CCSER1: variants seen among roughly 807,000 people sequenced by gnomAD.
CCSER1 encodes coiled-coil serine rich protein 1.
In CCSER1, 41 loss-of-function variants were observed where a neutral mutation model predicts 82.0. The observed-to-expected ratio is 0.50, with a 90% CI of 0.39 to 0.65. CCSER1 has a LOEUF of 0.65. Ranked by LOEUF, CCSER1 falls within the 30% of genes least tolerant of loss-of-function variation. CCSER1 has a pLI of 0.00. For missense variants in CCSER1, 1,119 were observed against 1,064.2 expected, an observed-to-expected ratio of 1.05 and a Z score of -0.72; for synonymous variants, 414 against 383.9, an observed-to-expected ratio of 1.08 and a Z score of -0.92.
intron 10 of CCSER1, among the ~76,000 whole-genome samples, chr4:91,206,360 G>T (rs1736343630): frequency 1.3e-5 from 2 of 151,870 alleles, no homozygotes. Context: ...TTTCTGAAAT[G>T]CAATTAGCCT....
At chr4:90,898,549 A>C (rs563643291) in intron 8 of CCSER1, among the ~76,000 whole-genome samples, 4 of 151,728 alleles carry the variant, frequency 2.6e-5, no homozygotes, top group Admixed American at 2.6e-4. Flanking sequence ...TGGCCTCCCA[A>C]AGTGGTGGAA....
At chr4:90,707,485 A>G (rs78266987) in intron 6 of CCSER1, among the ~76,000 whole-genome samples, 1,535 of 151,250 alleles carry the variant, frequency 0.01, 31 homozygotes, top group African/African-American at 0.035. Flanking sequence ...CTTTTCTCTC[A>G]TAGCCCATAT....
chr4:91,519,578 A>G (rs1055332789), intron 10 of CCSER1, among the ~76,000 whole-genome samples: 2 of 152,218 alleles, frequency 1.3e-5, no homozygotes, highest in Non-Finnish European at 1.5e-5. Flanking sequence ...CCCAGACTCT[A>G]TATAGCTCTG....
At chr4:90,697,342 A>T (rs1417766901) in intron 6 of CCSER1, among the ~76,000 whole-genome samples, 1 of 152,128 alleles carries the variant, frequency 6.6e-6, no homozygotes, top group African/African-American at 2.4e-5. Context: ...GTGTCAGAAG[A>T]TGCCTTTGAC....
chr4:91,358,895 C>T (rs971593541), intron 10 of CCSER1, among the ~76,000 whole-genome samples: 5 of 152,094 alleles, frequency 3.3e-5, no homozygotes, highest in African/African-American at 9.7e-5. Context: ...GCTTAAGTCA[C>T]CTAAGGGGCT....
chr4:90,871,700 A>C (rs1580862897), intron 8 of CCSER1, among the ~76,000 whole-genome samples: 1 of 151,774 alleles, frequency 6.6e-6, no homozygotes, highest in African/African-American at 2.4e-5. Flanking sequence ...AGTCCAGATT[A>C]AGTCTGATGT....
At chr4:91,042,786 A>C (rs559614886) in intron 9 of CCSER1, among the ~76,000 whole-genome samples, 1 of 152,144 alleles carries the variant, frequency 6.6e-6, no homozygotes, top group Non-Finnish European at 1.5e-5. Flanking sequence ...TACAGGGGGG[A>C]AAAAGTACGT....
chr4:90,858,281 G>A (rs1764687111), intron 8 of CCSER1, among the ~76,000 whole-genome samples: 1 of 151,956 alleles, frequency 6.6e-6, no homozygotes, highest in Non-Finnish European at 1.5e-5. Flanking sequence ...TTTGAACAAA[G>A]ATGAAAGAAA....
chr4:91,003,966 ATCT>A (rs1299996874), intron 9 of CCSER1, among the ~76,000 whole-genome samples: 1 of 152,104 alleles, frequency 6.6e-6, no homozygotes, highest in Non-Finnish European at 1.5e-5. Flanking sequence ...GAAGGTCAAA[ATCT>A]TCTTCCATGA....
chr4:90,910,695 T>C (rs1358554806), intron 8 of CCSER1, among the ~76,000 whole-genome samples: 1 of 152,254 alleles, frequency 6.6e-6, no homozygotes, highest in African/African-American at 2.4e-5. Context: ...TGTTGTATTA[T>C]TGATTTACTG....
intron 7 of CCSER1, among the ~76,000 whole-genome samples, chr4:90,788,165 G>T (rs1178394925): frequency 6.6e-6 from 1 of 151,992 alleles, no homozygotes; most frequent in Non-Finnish European, 1.5e-5. Context: ...AAAGACTAAG[G>T]TAGAAAATGA....
At chr4:90,788,602 TG>T (rs1329912624) in intron 7 of CCSER1, among the ~76,000 whole-genome samples, 1 of 152,196 alleles carries the variant, frequency 6.6e-6, no homozygotes, top group Non-Finnish European at 1.5e-5. Flanking sequence ...AACTAGTCAT[TG>T]TAAAAAGGCT....
Position 90,487,930 on chromosome 4 carries a change from G to A in CCSER1, c.1724+19576G>A, listed in dbSNP as rs151093881. On this transcript the variant is annotated intron_variant, in intron 5 of 10. Transcript: ENST00000509176. ...GCTGTGATTACAGGCATGAGCCACC[G>A]CACCTGGCTTAATCTAGTGTTTTAA... 5.9e-3 allele frequency among the ~76,000 whole-genome samples: 901 copies of A among 152,236 alleles called. 8 individuals carry two copies. Among genetic ancestry groups the A allele is most frequent in the African/African-American group, 0.02 (851 of 41,548 alleles).
rs367651186 is a variant in CCSER1 at position 90,343,865 on chromosome 4, G to A, written c.1509+30818G>A. ...GAAAATGGGGTAGCCATGCCCTCAA[G>A]GATTTATCCTTTGTGTTACAAACCA... On this transcript the variant is annotated intron_variant, in intron 3 of 10. Coordinates refer to ENST00000509176, the MANE Select transcript of CCSER1 (RefSeq NM_001145065.2). Among the ~76,000 whole-genome samples, 294 of 152,194 alleles carry A rather than the reference G, an allele frequency of 1.9e-3. 15 individuals are homozygous for A. The South Asian group carries it at 0.06, about 31-fold the overall frequency.
chr4:90,992,422 A>G (rs1468305092), intron 9 of CCSER1, among the ~76,000 whole-genome samples: 2 of 152,038 alleles, frequency 1.3e-5, no homozygotes, highest in Non-Finnish European at 1.5e-5. Flanking sequence ...TAGAAAGCCT[A>G]TTGCCAAGTA....
At chr4:91,530,140 G>A (rs926915176) in intron 10 of CCSER1, among the ~76,000 whole-genome samples, 3 of 151,984 alleles carry the variant, frequency 2.0e-5, no homozygotes, top group African/African-American at 7.3e-5. Flanking sequence ...CAACGGTAAT[G>A]AAGAAGGAAA....
At chr4:90,580,457 C>T (rs979504655) in intron 5 of CCSER1, among the ~76,000 whole-genome samples, 2 of 152,150 alleles carry the variant, frequency 1.3e-5, no homozygotes, top group Non-Finnish European at 2.9e-5. Flanking sequence ...TACTCTGCTG[C>T]TTTGAACTCC....
chr4:90,565,649 TA>T (rs1779276940), intron 5 of CCSER1, among the ~76,000 whole-genome samples: 2 of 152,212 alleles, frequency 1.3e-5, no homozygotes, highest in Admixed American at 6.5e-5. Context: ...GCGTTTGTCA[TA>T]TATGATTTTT....
chr4:90,795,427 A>T (rs771490310), intron 7 of CCSER1, among the ~76,000 whole-genome samples: 10 of 152,216 alleles, frequency 6.6e-5, no homozygotes, highest in Non-Finnish European at 1.0e-4. Context: ...ATATAGGATC[A>T]TGCTTTCTGC....
Sources: allele counts gnomAD v4.1 joint callset (sites outside exome capture counted in the v4.1 genomes callset), GRCh38; gene constraint gnomAD v4.1.1; transcripts MANE v1.5; gene names NCBI Gene and HGNC (gene_info 2026-07-23, HGNC 2026-07-21).